The following NUP35 variants were observed in gnomAD, a reference collection of about 807,000 sequenced individuals.
NUP35 encodes the protein nucleoporin 35, also known as nucleoporin NUP35.
Under a neutral mutation model 41.5 loss-of-function variants are expected in NUP35, and 25 were observed. The ratio of observed to expected loss-of-function variants is 0.60; its 90% CI spans 0.44 to 0.84. NUP35 has a LOEUF of 0.84. Ranked by LOEUF, NUP35 falls within the 40% of genes least tolerant of loss-of-function variation. NUP35 has a pLI of 0.00. For missense variants in NUP35, 396 were observed against 396.6 expected (o/e 1.00, Z 0.01); for synonymous variants, 149 against 130.7 (o/e 1.14, Z -0.96).
intron 4 of NUP35, 127 bp from the exon 5 acceptor site, chr2:183,151,381 G>T (rs1685464004): frequency 4.2e-6 from 3 of 718,952 alleles, no homozygotes; most frequent in Non-Finnish European, 6.7e-6. Flanking sequence ...GACCACAGTT[G>T]TATGTTTTGA....
At chr2:183,122,484 A>G (rs1398516459), upstream of NUP35, among the ~76,000 whole-genome samples, 1 of 152,198 alleles carries the variant, frequency 6.6e-6, no homozygotes, top group African/African-American at 2.4e-5. Context: ...ATGGTGCCGT[A>G]TATGCATGCA....
chr2:183,151,909 C>T (rs1184869615), intron 5 of NUP35, among the ~76,000 whole-genome samples: 2 of 152,120 alleles, frequency 1.3e-5, no homozygotes, highest in Non-Finnish European at 2.9e-5. Flanking sequence ...ATGTCATTAA[C>T]TAGAGTTTGA....
Position 183,133,323 on chromosome 2 carries a change from C to CCT in NUP35, c.340-243_340-242insCT, listed in dbSNP as rs1684760052. On this transcript the variant is annotated intron_variant, in intron 3 of 8. Coordinates refer to ENST00000295119, the MANE Select transcript of NUP35 (RefSeq NM_138285.5). ...CATGTCACCTTTTACAGAAGATAGT[C>CCT]TTTTTTTTTTTTTTTAACATAATAT... Among the ~76,000 whole-genome samples, 4 of 141,878 alleles carry CCT rather than the reference C, an allele frequency of 2.8e-5. No homozygotes were observed. The Admixed American group carries it at 2.9e-4, about 10-fold the overall frequency. 93.1% of individuals were successfully genotyped at this position (141,878 alleles called of 152,430 possible).
chr2:183,160,986 T>C, intron 8 of NUP35, 68 bp from the exon 9 acceptor site: 1 of 1,184,588 alleles, frequency 8.4e-7, no homozygotes, highest in Non-Finnish European at 1.2e-6. Context: ...AATGAGCAAT[T>C]CTAGAATTGC....
upstream of NUP35, among the ~76,000 whole-genome samples, chr2:183,122,620 C>G (rs1314351915): frequency 1.3e-5 from 2 of 152,192 alleles, no homozygotes; most frequent in Middle Eastern, 3.4e-3. Flanking sequence ...TTGGCTAGAT[C>G]ATAATTTGTA....
intron 4 of NUP35, among the ~76,000 whole-genome samples, chr2:183,136,641 G>A (rs1684883479): frequency 6.6e-6 from 1 of 152,140 alleles, no homozygotes; most frequent in Non-Finnish European, 1.5e-5. Flanking sequence ...GAGCTCATTC[G>A]ATTTTATCAG....
chr2:183,151,042 G>A (rs574545683), intron 4 of NUP35, among the ~76,000 whole-genome samples: 19 of 152,330 alleles, frequency 1.2e-4, no homozygotes, highest in African/African-American at 4.6e-4. Flanking sequence ...CACATTTTAA[G>A]GGGTAAGGTA....
intron 3 of NUP35, chr2:183,131,485 T>C (rs1373480192): frequency 1.3e-5 from 2 of 152,450 alleles, no homozygotes; most frequent in African/African-American, 2.4e-5. Flanking sequence ...TCGTGCTATT[T>C]ATAGGCTTGA....
At chr2:183,128,008 G>A (rs1684557829) in intron 1 of NUP35, among the ~76,000 whole-genome samples, 1 of 151,898 alleles carries the variant, frequency 6.6e-6, no homozygotes, top group Non-Finnish European at 1.5e-5. Flanking sequence ...AGGAGGTGAA[G>A]GTTGCAGTGA....
intron 4 of NUP35, among the ~76,000 whole-genome samples, chr2:183,139,441 C>T (rs1685004762): frequency 6.6e-6 from 1 of 152,062 alleles, no homozygotes. Context: ...GAATGGTGGC[C>T]TCCATACAAT....
intron 2 of NUP35, among the ~76,000 whole-genome samples, chr2:183,129,292 G>T (rs1479709664): frequency 1.3e-5 from 2 of 152,148 alleles, no homozygotes; most frequent in Non-Finnish European, 2.9e-5. Context: ...GTTTATTACA[G>T]AACTCCTTTA....
chr2:183,124,265 T>C (rs1389094619), upstream of NUP35: 2 of 1,374,682 alleles, frequency 1.5e-6, no homozygotes, highest in South Asian at 1.8e-5. Flanking sequence ...GCAAAAACCC[T>C]TTCCTCGGAA....
chr2:183,158,013 T>C (rs1465139186), intron 6 of NUP35, among the ~76,000 whole-genome samples: 2 of 149,872 alleles, frequency 1.3e-5, no homozygotes, highest in East Asian at 2.0e-4. Flanking sequence ...TAAATAACTT[T>C]ATGGCAAGTG....
chr2:183,145,135 CTT>C (rs1412330444), intron 4 of NUP35, among the ~76,000 whole-genome samples: 4 of 152,252 alleles, frequency 2.6e-5, no homozygotes, highest in African/African-American at 4.8e-5. Flanking sequence ...TTAAGAGTAT[CTT>C]TTGTATAAAT....
upstream of NUP35, among the ~76,000 whole-genome samples, chr2:183,122,302 TC>T (rs1700080035): frequency 6.6e-6 from 1 of 152,040 alleles, no homozygotes; most frequent in Non-Finnish European, 1.5e-5. Flanking sequence ...GGTCTGGAAC[TC>T]CTGACCTCGT....
intron 4 of NUP35, among the ~76,000 whole-genome samples, chr2:183,148,272 G>A (rs149058904): frequency 1.2e-4 from 19 of 152,184 alleles, no homozygotes; most frequent in Admixed American, 1.2e-3. Flanking sequence ...AAACTTATGA[G>A]TCCAGCTATC....
In NUP35 at chr2:183,128,714, G is replaced by A. The variant is rs760682788; in HGVS notation, c.211+257G>A. 2.9e-4 allele frequency among the ~76,000 whole-genome samples: 44 copies of A among 152,238 alleles called. 1 individual carries two copies. The highest frequency in any genetic ancestry group is 9.2e-4 in the Admixed American group (14 of 15,294). On this transcript the variant is annotated intron_variant, in intron 2 of 8. Transcript: ENST00000295119. ...TTCATGCGGTGTTCAAGCCATGGGT[G>A]GGACAAGCTTGTGCTAGAATTTTTA...
intron 1 of NUP35, among the ~76,000 whole-genome samples, chr2:183,126,572 A>G (rs1401641804): frequency 2.0e-5 from 3 of 152,196 alleles, no homozygotes; most frequent in Non-Finnish European, 2.9e-5. Flanking sequence ...GCACTTTATA[A>G]AATAATTACA....
Position 183,133,559 on chromosome 2 carries a change from T to C in NUP35, c.340-7T>C. ...TTTTACCATAACACTTTCTTCTGTT[T>C]GTGTAGCCAAACATTTCAGTAATGC... On this transcript the variant is annotated splice_region_variant and splice_polypyrimidine_tract_variant and intron_variant, in intron 3 of 8. Coordinates refer to ENST00000295119, the MANE Select transcript of NUP35 (RefSeq NM_138285.5). 6.2e-7 allele frequency: 1 copy of C among 1,603,512 alleles called. No homozygotes were observed. Among genetic ancestry groups the C allele is most frequent in the Non-Finnish European group, 8.5e-7 (1 of 1,175,724 alleles).
Sources: allele counts gnomAD v4.1 joint callset (sites outside exome capture counted in the v4.1 genomes callset), GRCh38; gene constraint gnomAD v4.1.1; transcripts MANE v1.5; gene names NCBI Gene and HGNC (gene_info 2026-07-23, HGNC 2026-07-21).